DCC: variants seen among roughly 807,000 people sequenced by gnomAD.
DCC encodes the protein DCC netrin 1 receptor, also known as netrin receptor DCC.
A neutral mutation model predicts 172.5 loss-of-function variants in DCC; 58 were observed. The ratio of observed to expected loss-of-function variants is 0.34; its 90% CI spans 0.27 to 0.42. The LOEUF (loss-of-function observed/expected upper bound fraction) is 0.42. DCC is among the 10% of genes least tolerant of loss of function. DCC has a pLI of 1.00. For missense variants in DCC, 1,740 were observed against 1,791.0 expected, an observed-to-expected ratio of 0.97 and a Z score of 0.51; for synonymous variants, 709 against 644.5, an observed-to-expected ratio of 1.10 and a Z score of -1.52.
At chr18:52,861,560 C>G (rs934250921) in intron 2 of DCC, among the ~76,000 whole-genome samples, 1 of 152,070 alleles carries the variant, frequency 6.6e-6, no homozygotes, top group Admixed American at 6.5e-5. Context: ...GTTTTGCCCA[C>G]AAGAGTATAG....
At chr18:52,959,052 A>G (rs1039332557) in intron 5 of DCC, among the ~76,000 whole-genome samples, 4 of 152,122 alleles carry the variant, frequency 2.6e-5, no homozygotes, top group Non-Finnish European at 4.4e-5. Context: ...CAGTTCTTCT[A>G]ATGTGGCCCA....
chr18:52,672,436 TAG>T (rs138354521), intron 1 of DCC, among the ~76,000 whole-genome samples: 65 of 149,234 alleles, frequency 4.4e-4, no homozygotes, highest in South Asian at 1.3e-3. Context: ...TGGAAATGGG[TAG>T]AGAGAGAGAG....
At chr18:53,325,240 T>C (rs988717884) in intron 14 of DCC, among the ~76,000 whole-genome samples, 27 of 146,634 alleles carry the variant, frequency 1.8e-4, no homozygotes, top group Non-Finnish European at 1.9e-4. Flanking sequence ...TGAGGTCCAG[T>C]GTAGGTGATC....
At chr18:53,427,249 G>A (rs1911030682) in intron 21 of DCC, among the ~76,000 whole-genome samples, 1 of 152,102 alleles carries the variant, frequency 6.6e-6, no homozygotes, top group South Asian at 2.1e-4. Context: ...TAAAGACTAA[G>A]CTGCATATAA....
chr18:53,163,129 C>A (rs2054868011), intron 8 of DCC, among the ~76,000 whole-genome samples: 3 of 152,154 alleles, frequency 2.0e-5, no homozygotes. Flanking sequence ...GTGTGTATTT[C>A]TTTCCCTGAT....
intron 9 of DCC, among the ~76,000 whole-genome samples, chr18:53,204,381 A>G (rs889277665): frequency 9.2e-5 from 14 of 152,104 alleles, no homozygotes; most frequent in African/African-American, 3.4e-4. Context: ...GTATCTACAA[A>G]AAATAAAAAT....
intron 21 of DCC, among the ~76,000 whole-genome samples, chr18:53,429,305 C>T (rs1911453137): frequency 1.5e-5 from 1 of 68,026 alleles, no homozygotes; most frequent in Admixed American, 1.4e-4. Flanking sequence ...ACAGTCAAGA[C>T]CCATTATCAG....
intron 5 of DCC, among the ~76,000 whole-genome samples, chr18:52,985,799 T>A (rs1383991907): frequency 1.3e-5 from 2 of 152,160 alleles, no homozygotes; most frequent in Non-Finnish European, 2.9e-5. Flanking sequence ...ATTCTTCAAC[T>A]ATTTAAGCTT....
At chr18:52,439,854 C>T (rs1987920179) in intron 1 of DCC, among the ~76,000 whole-genome samples, 1 of 152,070 alleles carries the variant, frequency 6.6e-6, no homozygotes, top group Non-Finnish European at 1.5e-5. Context: ...ATCAAAGTAT[C>T]TTATGTACCT....
chr18:52,821,320 A>AT (rs1735236760), intron 2 of DCC, among the ~76,000 whole-genome samples: 1 of 152,080 alleles, frequency 6.6e-6, no homozygotes, highest in Non-Finnish European at 1.5e-5. Context: ...ACCGAGGTGT[A>AT]TTCCTCTCTT....
intron 2 of DCC, among the ~76,000 whole-genome samples, chr18:52,834,358 G>C (rs897308768): frequency 6.6e-6 from 1 of 152,206 alleles, no homozygotes; most frequent in Non-Finnish European, 1.5e-5. Context: ...AGAAACCTTA[G>C]CATTGTTTGG....
At chr18:52,556,341 T>A (rs1172936728) in intron 1 of DCC, among the ~76,000 whole-genome samples, 1 of 152,028 alleles carries the variant, frequency 6.6e-6, no homozygotes, top group Non-Finnish European at 1.5e-5. Context: ...TATAGATGGG[T>A]TCAGTAGCCA....
At chr18:52,504,525 A>C (rs2144634162) in intron 1 of DCC, among the ~76,000 whole-genome samples, 1 of 152,192 alleles carries the variant, frequency 6.6e-6, no homozygotes, top group East Asian at 1.9e-4. Flanking sequence ...CAAGTAAAGC[A>C]CAGTGGCTGT....
chr18:52,879,254 A>G (rs1340479831), intron 2 of DCC, among the ~76,000 whole-genome samples: 12 of 152,028 alleles, frequency 7.9e-5, no homozygotes. Flanking sequence ...TTGAGGGAAT[A>G]AAGTGCCCCC....
At chr18:53,351,418 C>CACTGTGTATATATATAT (rs2057806231) in intron 15 of DCC, among the ~76,000 whole-genome samples, 1 of 19,256 alleles carries the variant, frequency 5.2e-5, no homozygotes, top group African/African-American at 2.5e-4. Flanking sequence ...TATATATATA[C>CACTGTGTATATATATAT]ACACTGTGTA....
chr18:53,089,636 A>G (rs115113020), intron 7 of DCC, among the ~76,000 whole-genome samples: 3,163 of 152,106 alleles, frequency 0.021, 105 homozygotes, highest in African/African-American at 0.071. Context: ...CTTTATGGGC[A>G]CCTAAAAGTA....
intron 7 of DCC, 38 bp from the exon 8 acceptor site, chr18:53,157,318 A>G: frequency 1.2e-6 from 2 of 1,613,460 alleles, no homozygotes; most frequent in Non-Finnish European, 1.7e-6. Flanking sequence ...TACCTATGGC[A>G]GCGACACCTC....
chr18:52,830,828 C>G (rs924120412), intron 2 of DCC, among the ~76,000 whole-genome samples: 2 of 152,108 alleles, frequency 1.3e-5, no homozygotes, highest in Admixed American at 6.5e-5. Context: ...ATATCAGGCA[C>G]TATTCCAATT....
chr18:52,380,412 A>T (rs934378902), intron 1 of DCC, among the ~76,000 whole-genome samples: 1 of 152,076 alleles, frequency 6.6e-6, no homozygotes, highest in Non-Finnish European at 1.5e-5. Context: ...GTGTCTCTTT[A>T]GATTGAGCTT....
Sources: allele counts gnomAD v4.1 joint callset (sites outside exome capture counted in the v4.1 genomes callset), GRCh38; gene constraint gnomAD v4.1.1; transcripts MANE v1.5; gene names NCBI Gene and HGNC (gene_info 2026-07-23, HGNC 2026-07-21).